The following DMD variants were observed in gnomAD, a reference collection of about 807,000 sequenced individuals.
The protein encoded by DMD is mutant dystrophin.
In DMD, 63 loss-of-function variants were observed where a neutral mutation model predicts 330.1. That is an observed-to-expected ratio of 0.19 (90% confidence interval 0.16 to 0.24). The LOEUF is 0.24. Among genes scored for constraint, DMD ranks in the 10% least tolerant of loss-of-function variants. The pLI is 1.00. For synonymous variants in DMD, 1,223 were observed against 959.8 expected (o/e 1.27, Z -5.07); for missense variants, 3,344 against 2,684.1 (o/e 1.25, Z -5.43).
intron 4 of DMD, among the ~76,000 whole-genome samples, chrX:32,830,464 A>G (rs2079066398): frequency 9.0e-6 from 1 of 111,591 alleles, no homozygotes; most frequent in Admixed American, 9.6e-5. Context: ...CATGTATGTT[A>G]ATGTACGAGC....
At chrX:31,381,429 G>C (rs903621690) in intron 60 of DMD, among the ~76,000 whole-genome samples, 3 of 111,045 alleles carry the variant, frequency 2.7e-5, no homozygotes, top group African/African-American at 9.9e-5. Context: ...ACTCTCTACA[G>C]TTCTCATAAC....
intron 2 of DMD, among the ~76,000 whole-genome samples, chrX:32,884,153 C>A (rs1238866095): frequency 9.0e-6 from 1 of 111,138 alleles, no homozygotes; most frequent in South Asian, 3.8e-4. Context: ...ACTTAAAGTT[C>A]CCACTAGGAA....
intron 12 of DMD, among the ~76,000 whole-genome samples, chrX:32,598,109 C>T (rs780456087): frequency 2.7e-5 from 3 of 112,002 alleles, no homozygotes; most frequent in South Asian, 7.4e-4. Flanking sequence ...TTCTTATTTT[C>T]GAAGCCTCAA....
At chrX:31,568,538 T>C (rs1302077350) in intron 55 of DMD, among the ~76,000 whole-genome samples, 2 of 111,924 alleles carry the variant, frequency 1.8e-5, no homozygotes, top group Non-Finnish European at 3.8e-5. Context: ...GTAATTTTCT[T>C]TGCAATGAAG....
chrX:31,813,494 T>C (rs2092522589), intron 50 of DMD, among the ~76,000 whole-genome samples: 1 of 111,890 alleles, frequency 8.9e-6, no homozygotes, highest in Non-Finnish European at 1.9e-5. Flanking sequence ...CTGCACATGC[T>C]CTCTTGCCTG....
intron 11 of DMD, among the ~76,000 whole-genome samples, chrX:32,627,959 TCATACAGG>T (rs963842890): frequency 9.2e-4 from 102 of 110,650 alleles, no homozygotes; most frequent in African/African-American, 3.0e-3. Flanking sequence ...AGAGACATAT[TCATACAGG>T]CATACAGGCA....
At chrX:31,647,166 T>C (rs2080154109) in intron 54 of DMD, among the ~76,000 whole-genome samples, 1 of 112,227 alleles carries the variant, frequency 8.9e-6, no homozygotes, top group African/African-American at 3.2e-5. Context: ...ATGTTATCTA[T>C]GTCTTCATCC....
intron 7 of DMD, among the ~76,000 whole-genome samples, chrX:32,714,388 T>A (rs2065476337): frequency 8.9e-6 from 1 of 111,898 alleles, no homozygotes; most frequent in Non-Finnish European, 1.9e-5. Context: ...GTGTACCCAT[T>A]GATTAGTTAC....
chrX:33,005,868 A>G (rs979004163), intron 2 of DMD, among the ~76,000 whole-genome samples: 4 of 111,213 alleles, frequency 3.6e-5, no homozygotes, highest in African/African-American at 1.3e-4. Context: ...AAGAATCGAA[A>G]AATAACCCTG....
intron 73 of DMD, among the ~76,000 whole-genome samples, chrX:31,170,735 A>G (rs747022203): frequency 7.2e-5 from 8 of 111,612 alleles, no homozygotes; most frequent in Non-Finnish European, 1.3e-4. Flanking sequence ...CCACCAAACC[A>G]CTTCCCCAAA....
intron 55 of DMD, among the ~76,000 whole-genome samples, chrX:31,617,779 T>C (rs1249300620): frequency 3.6e-5 from 4 of 111,199 alleles, no homozygotes; most frequent in Non-Finnish European, 5.7e-5. Context: ...CAGCTGTATG[T>C]TCATTGCTGC....
At chrX:33,316,491 T>C (rs182557755) in intron 1 of DMD, among the ~76,000 whole-genome samples, 1 of 111,587 alleles carries the variant, frequency 9.0e-6, no homozygotes, top group Non-Finnish European at 1.9e-5. Flanking sequence ...TTTGAGTTAA[T>C]GTTTGAATAA....
chrX:32,162,592 T>G (rs1445585328), intron 44 of DMD, among the ~76,000 whole-genome samples: 4 of 58,641 alleles, frequency 6.8e-5, no homozygotes, highest in African/African-American at 6.8e-4. Flanking sequence ...GCAACAAGCT[T>G]TTTTTTTTTT....
intron 7 of DMD, among the ~76,000 whole-genome samples, chrX:32,770,376 C>G (rs2855688): frequency 1.8e-5 from 2 of 110,188 alleles, no homozygotes; most frequent in African/African-American, 6.6e-5. Context: ...TATTGCTATT[C>G]GGAATAGAAA....
At chrX:31,473,228 G>A (rs1430466537) in intron 59 of DMD, among the ~76,000 whole-genome samples, 1 of 108,119 alleles carries the variant, frequency 9.2e-6, no homozygotes, top group East Asian at 2.9e-4. Context: ...AATTAGCCAG[G>A]CGTGGTGGCA....
intron 59 of DMD, among the ~76,000 whole-genome samples, chrX:31,449,771 T>G (rs1486953196): frequency 0.013 from 1,035 of 79,554 alleles, 15 homozygotes; most frequent in East Asian, 0.096. Flanking sequence ...GTGATATATA[T>G]ATATATATAT....
intron 44 of DMD, among the ~76,000 whole-genome samples, chrX:32,204,197 A>C (rs1447343681): frequency 8.9e-6 from 1 of 111,938 alleles, no homozygotes; most frequent in Non-Finnish European, 1.9e-5. Context: ...AACAGTAAAA[A>C]AAATATGGTG....
intron 9 of DMD, among the ~76,000 whole-genome samples, chrX:32,688,706 G>T (rs771650602): frequency 2.4e-4 from 27 of 111,549 alleles, no homozygotes; most frequent in Non-Finnish European, 4.9e-4. Context: ...AGGTCCCACA[G>T]ACTAGATTCC....
chrX:31,494,617 G>A (rs750045477), intron 57 of DMD, among the ~76,000 whole-genome samples: 26 of 111,678 alleles, frequency 2.3e-4, no homozygotes, highest in Non-Finnish European at 4.1e-4. Flanking sequence ...CATGTTCTTT[G>A]TCATGAGATT....
Sources: gnomAD v4.1 joint callset for allele counts (sites outside exome capture counted in the v4.1 genomes callset) on GRCh38, gnomAD v4.1.1 for gene constraint, MANE v1.5 for transcripts, NCBI Gene and HGNC (gene_info 2026-07-23, HGNC 2026-07-21) for gene names.